Variants in CRYZL1 observed in about 807,000 individuals in gnomAD.
CRYZL1 encodes the protein crystallin zeta like 1.
A neutral mutation model predicts 50.6 loss-of-function variants in CRYZL1; 34 were observed. That is an observed-to-expected ratio of 0.67 (90% CI 0.51 to 0.89). The LOEUF (loss-of-function observed/expected upper bound fraction) is 0.89, where lower values mean the gene tolerates loss of function less well. Among genes scored for constraint, CRYZL1 ranks in the 40% least tolerant of loss-of-function variants. The pLI is 0.00. For missense variants in CRYZL1, 354 were observed against 402.3 expected, an observed-to-expected ratio of 0.88 and a Z score of 1.03; for synonymous variants, 125 against 134.3, an observed-to-expected ratio of 0.93 and a Z score of 0.48.
chr21:33,595,351 G>C lies in CRYZL1; in HGVS notation c.904+380C>G, dbSNP rs1044072689. The C allele has an allele frequency of 4.7e-6, 6 of 1,284,556 alleles. No individual in the cohort carries two copies. In the Admixed American group the frequency reaches 1.4e-4, roughly 30 times the overall value. The allele number at this position is 1,284,556 out of a possible 1,614,324, so 79.6% of individuals were successfully genotyped here. On this transcript the variant is annotated intron_variant, in intron 11 of 12. Coordinates refer to ENST00000381554, the MANE Select transcript of CRYZL1 (RefSeq NM_145858.3). ...ATGGCACCATCATAGGAGTAAGTGT[G>C]CAACCTTTCAAGGTGATGTGTGCTT...
At chr21:33,633,969 A>G (rs2087170462) in intron 1 of CRYZL1, among the ~76,000 whole-genome samples, 1 of 152,192 alleles carries the variant, frequency 6.6e-6, no homozygotes, top group Non-Finnish European at 1.5e-5. Flanking sequence ...ATACGTAAAG[A>G]GTTTTTACAG....
At chr21:33,623,681 T>C (rs1214224367) in intron 3 of CRYZL1, among the ~76,000 whole-genome samples, 1 of 152,210 alleles carries the variant, frequency 6.6e-6, no homozygotes. Context: ...AGAAGACTTT[T>C]AGGTTCCTAA....
Position 33,597,327 on chromosome 21 carries a change from G to A in CRYZL1, c.751C>T (p.Leu251Phe), listed in dbSNP as rs2086704817. The A allele has an allele frequency of 6.2e-7, 1 of 1,612,192 alleles. No homozygotes were observed. Among genetic ancestry groups the A allele is most frequent in the Non-Finnish European group, 8.5e-7 (1 of 1,178,250 alleles). ...LLPHKHDIIT[L>F]LGVGGHWVTT... is the part of the protein sequence containing the mutation. ...ACCCAGTGGCCTCCAACACCAAGAA[G>A]TGTGATGATATCATGTTTATGTGGT... Residue 251 changes from leucine to phenylalanine, a missense_variant, in exon 10 of 13, where the codon CTT becomes TTT. Physicochemically the swap from Leu to Phe is conservative, Grantham distance 22 (BLOSUM62 0). Transcript: ENST00000381554.
chr21:33,599,231 A>T lies in CRYZL1; in HGVS notation c.595T>A (p.Ser199Thr). The T allele has an allele frequency of 6.2e-7, 1 of 1,613,902 alleles. No homozygotes were observed. Among genetic ancestry groups the T allele is most frequent in the Non-Finnish European group, 8.5e-7 (1 of 1,179,816 alleles). Residue 199 changes from serine (S) to threonine (T), a missense_variant, in exon 9 of 13, where the codon TCT (serine) becomes ACT (threonine). By Grantham distance (58) the Ser-to-Thr change is moderately conservative. Transcript: ENST00000381554. ...TCAGCAACATGAACTTTCCCATTAG[A>T]TACATCAATCACTCGGGCTGTAAAG... ...RPPIARVIDV[S>T]NGKVHVAESC...
chr21:33,596,019 G>A (rs904996812), intron 10 of CRYZL1, 183 bp from the exon 11 acceptor site: 26 of 617,388 alleles, frequency 4.2e-5, no homozygotes, highest in Non-Finnish European at 6.8e-5. Context: ...TGATGAAACA[G>A]CGAGGTGATA....
rs138428360 is a variant in CRYZL1 at position 33,597,705 on chromosome 21, C to T, written c.677-304G>A. Among the ~76,000 whole-genome samples the T allele has an allele frequency of 6.6e-3, 1,010 of 152,258 alleles. 13 individuals are homozygous for T. Among genetic ancestry groups the T allele is most frequent in the African/African-American group, 0.023 (968 of 41,552 alleles). ...TAGGCTCACTGCAAGCTCCGCCTCC[C>T]GGGTTCACGCCATCCTCCTGCCTCA... On this transcript the variant is annotated intron_variant, in intron 9 of 12. Coordinates refer to ENST00000381554, the MANE Select transcript of CRYZL1 (RefSeq NM_145858.3).
chr21:33,619,877 CTTATGAT>C (rs544653140), intron 4 of CRYZL1, among the ~76,000 whole-genome samples: 276 of 152,304 alleles, frequency 1.8e-3, no homozygotes, highest in African/African-American at 6.2e-3. Flanking sequence ...ATGCTTGCCC[CTTATGAT>C]TTGGACATCT....
chr21:33,629,943 G>C (rs1015652220), intron 2 of CRYZL1, among the ~76,000 whole-genome samples: 1 of 152,080 alleles, frequency 6.6e-6, no homozygotes, highest in Non-Finnish European at 1.5e-5. Context: ...TATCATGAAG[G>C]GATGTTACAT....
At chr21:33,595,532 T>C (rs1004952752) in intron 11 of CRYZL1, 199 bp downstream of exon 11, 5 of 1,270,078 alleles carry the variant, frequency 3.9e-6, no homozygotes, top group Non-Finnish European at 4.4e-6. Flanking sequence ...TCTTCACCTG[T>C]GAAATGGGGA....
intron 11 of CRYZL1, chr21:33,595,324 C>G: frequency 8.8e-7 from 1 of 1,140,128 alleles, no homozygotes; most frequent in Non-Finnish European, 1.2e-6. Flanking sequence ...TGTTTCTGTG[C>G]AATGGCACCA....
At chr21:33,627,798 G>C (rs1018690769) in intron 2 of CRYZL1, among the ~76,000 whole-genome samples, 3 of 140,648 alleles carry the variant, frequency 2.1e-5, no homozygotes, top group Non-Finnish European at 4.5e-5. Context: ...AGGCTGGAGT[G>C]CAGTGGCGTG....
At chr21:33,617,628 C>A (rs1226809702) in intron 4 of CRYZL1, among the ~76,000 whole-genome samples, 1 of 151,950 alleles carries the variant, frequency 6.6e-6, no homozygotes, top group Non-Finnish European at 1.5e-5. Flanking sequence ...CTAAGGGGGT[C>A]CGTGTGAGAG....
chr21:33,597,551 C>CCAGCCT, intron 9 of CRYZL1, 150 bp from the exon 10 acceptor site: 1 of 614,198 alleles, frequency 1.6e-6, no homozygotes, highest in African/African-American at 1.8e-5. Context: ...CAGCAATCCT[C>CCAGCCT]CAGCCTCAGC....
chr21:33,615,804 G>C (rs961005169), intron 5 of CRYZL1, among the ~76,000 whole-genome samples: 1 of 152,162 alleles, frequency 6.6e-6, no homozygotes, highest in African/African-American at 2.4e-5. Flanking sequence ...CATGTGACTT[G>C]TAACTTTCCT....
At chr21:33,622,412 A>C (rs1053756231) in intron 3 of CRYZL1, among the ~76,000 whole-genome samples, 26 of 152,178 alleles carry the variant, frequency 1.7e-4, no homozygotes, top group African/African-American at 6.3e-4. Context: ...CATCTTACTC[A>C]GGTGAAGGGA....
intron 11 of CRYZL1, chr21:33,595,170 G>A (rs1206949172): frequency 9.2e-7 from 1 of 1,085,734 alleles, no homozygotes; most frequent in Non-Finnish European, 1.1e-6. Flanking sequence ...CAACTGGAAT[G>A]ATTTGGCTTC....
intron 6 of CRYZL1, among the ~76,000 whole-genome samples, chr21:33,610,676 C>A (rs372890104): frequency 6.7e-6 from 1 of 149,280 alleles, no homozygotes; most frequent in African/African-American, 2.5e-5. Flanking sequence ...TGGTCCATGT[C>A]ATAATTCTCC....
chr21:33,606,880 G>A (rs1441783235), intron 6 of CRYZL1, among the ~76,000 whole-genome samples: 4 of 149,456 alleles, frequency 2.7e-5, no homozygotes, highest in East Asian at 4.1e-4. Context: ...GCGTGGTGGC[G>A]CATGCCTGTA....
intron 5 of CRYZL1, chr21:33,616,167 G>C (rs2086929627): frequency 6.6e-6 from 1 of 152,660 alleles, no homozygotes; most frequent in East Asian, 1.9e-4. Context: ...CTATGAGTGA[G>C]AATATGCGGT....
Sources: allele counts gnomAD v4.1 joint callset (sites outside exome capture counted in the v4.1 genomes callset), GRCh38; gene constraint gnomAD v4.1.1; transcripts MANE v1.5; gene names NCBI Gene and HGNC (gene_info 2026-07-23, HGNC 2026-07-21).